The following C11orf65 variants were observed in gnomAD, a reference collection of about 807,000 sequenced individuals.
C11orf65 encodes the protein chromosome 11 open reading frame 65, also known as protein MFI.
C11orf65 carries 38 observed loss-of-function variants against 35.3 expected under a neutral mutation model. The observed-to-expected ratio is 1.08, with a 90% CI of 0.83 to 1.41. The LOEUF (loss-of-function observed/expected upper bound fraction) is 1.41. Ranked by LOEUF, C11orf65 falls within the 40% of genes most tolerant of loss-of-function variation. The probability of loss-of-function intolerance (pLI) is 0.00; values close to 1 mark genes in which losing one functional copy is unlikely to be tolerated. For synonymous variants in C11orf65, 105 were observed against 114.4 expected (o/e 0.92, Z 0.53); for missense variants, 370 against 367.1 (o/e 1.01, Z -0.06).
At position 108,319,990 on chromosome 11, in the gene C11orf65, G is replaced by C. The variant is rs1060501629; in HGVS notation, c.641-10919C>G. The C allele has an allele frequency of 1.2e-6, 2 of 1,612,800 alleles. No individual in the cohort carries two copies. The highest frequency in any genetic ancestry group is 8.5e-7 in the Non-Finnish European group (1 of 1,178,992). On this transcript the variant is annotated intron_variant, in intron 6 of 6. Coordinates refer to the C11orf65 transcript ENST00000525729. Reference sequence around the variant, plus strand: ...AAGGAACCAGTTACCATGAATCATTGTACAATGCTCTACAATCTCTAAGAG... The same window carrying C: ...AAGGAACCAGTTACCATGAATCATTCTACAATGCTCTACAATCTCTAAGAG...
intron 6 of C11orf65, among the ~76,000 whole-genome samples, chr11:108,319,657 ACTTGTGAATTCCC>A (rs2085045898): frequency 6.6e-6 from 1 of 152,198 alleles, no homozygotes; most frequent in Non-Finnish European, 1.5e-5. Context: ...TGACTTGTCC[ACTTGTGAATTCCC>A]CTTGTGCCTA....
At chr11:108,448,148 T>A (rs973279494) in intron 2 of C11orf65, among the ~76,000 whole-genome samples, 1 of 152,122 alleles carries the variant, frequency 6.6e-6, no homozygotes, top group African/African-American at 2.4e-5. Flanking sequence ...ATCAATAGCT[T>A]ACCAACCAAA....
chr11:108,348,301 A>G (rs944405631), intron 2 of C11orf65, among the ~76,000 whole-genome samples: 22 of 151,800 alleles, frequency 1.4e-4, no homozygotes, highest in Non-Finnish European at 1.3e-4. Flanking sequence ...AAATAATAAG[A>G]AAGTGATGAA....
intron 6 of C11orf65, among the ~76,000 whole-genome samples, chr11:108,397,933 G>A (rs948564720): frequency 6.6e-6 from 1 of 152,132 alleles, no homozygotes; most frequent in Non-Finnish European, 1.5e-5. Flanking sequence ...GCAAAAATGT[G>A]ACCACTGAGT....
rs1393749383 is a variant in C11orf65 at position 108,461,551 on chromosome 11, C to T, written c.9G>A (p.Trp3Ter). The change falls in exon 2 of 9, where the codon TGG (tryptophan) becomes TGA (stop). Residue 3 changes from tryptophan (W) to a stop codon, truncating the protein, a stop_gained. Coordinates refer to ENST00000393084, the MANE Select transcript of C11orf65 (RefSeq NM_152587.5). LOFTEE classifies it high-confidence loss of function. MP[W>*]KEESEFTKQD... ...GCTTTGTAAATTCTGATTCCTCTTT[C>T]CAAGGCATTTGAAATTCCTAAAAGA... is the stretch of plus-strand genomic sequence containing the variant. 1 of 1,602,740 alleles carries T rather than the reference C, an allele frequency of 6.2e-7. No homozygotes were observed. Among genetic ancestry groups the T allele is most frequent in the Non-Finnish European group, 8.5e-7 (1 of 1,173,976 alleles).
chr11:108,384,191 ACTAT>A (rs1198954686), intron 8 of C11orf65, among the ~76,000 whole-genome samples: 1 of 152,098 alleles, frequency 6.6e-6, no homozygotes, highest in African/African-American at 2.4e-5. Context: ...GTAAAAGATG[ACTAT>A]CTATTGAGCA....
At chr11:108,325,268 T>A in intron 6 of C11orf65, 5 of 839,312 alleles carry the variant, frequency 6.0e-6, no homozygotes, top group Non-Finnish European at 5.4e-6. Flanking sequence ...TTTTTTTTTT[T>A]CATTTCTCTT....
intron 3 of C11orf65, among the ~76,000 whole-genome samples, chr11:108,430,509 T>C (rs748143449): frequency 1.3e-5 from 2 of 151,632 alleles, no homozygotes; most frequent in South Asian, 4.2e-4. Context: ...AAAAAGTAAA[T>C]TGAGAAAAAA....
chr11:108,318,555 T>C (rs1355736623), intron 6 of C11orf65, among the ~76,000 whole-genome samples: 2 of 150,976 alleles, frequency 1.3e-5, no homozygotes, highest in Non-Finnish European at 2.9e-5. Context: ...CTGGGTGTGC[T>C]GGAGCATGCC....
chr11:108,382,958 C>T lies in C11orf65; in HGVS notation c.*63G>A. ...TTATTCCAGTCAGAATACACTATCT[C>T]TTGGCTATAACTGATGGATGGAAGG... is the stretch of plus-strand genomic sequence containing the variant. On this transcript the variant is annotated 3_prime_UTR_variant, in exon 9 of 9. Transcript: ENST00000393084. 6.3e-7 allele frequency: 1 copy of T among 1,593,510 alleles called. No homozygotes were observed. Among genetic ancestry groups the T allele is most frequent in the Non-Finnish European group, 8.5e-7 (1 of 1,174,364 alleles).
chr11:108,311,713 AAAATT>A (rs1761742163), intron 6 of C11orf65, among the ~76,000 whole-genome samples: 1 of 152,152 alleles, frequency 6.6e-6, no homozygotes, highest in Non-Finnish European at 1.5e-5. Context: ...CAAAAAAAAA[AAAATT>A]AAGAAACTGG....
At chr11:108,391,779 A>T (rs560882214) in intron 7 of C11orf65, among the ~76,000 whole-genome samples, 23 of 150,598 alleles carry the variant, frequency 1.5e-4, no homozygotes, top group South Asian at 1.3e-3. Context: ...CCCCCAGGAA[A>T]CCACTAATCT....
At chr11:108,454,979 T>C (rs1309992081) in intron 2 of C11orf65, among the ~76,000 whole-genome samples, 1 of 152,224 alleles carries the variant, frequency 6.6e-6, no homozygotes, top group East Asian at 1.9e-4. Context: ...GTTTGAGATC[T>C]TTCTTGTTTT....
intron 2 of C11orf65, chr11:108,354,754 T>TA (rs1464285099): frequency 2.9e-6 from 4 of 1,399,422 alleles, no homozygotes; most frequent in Non-Finnish European, 4.1e-6. Flanking sequence ...CAGATAAAGA[T>TA]ACGTTGACAA....
chr11:108,461,660 C>T (rs2093475255), intron 1 of C11orf65, 92 bp from the exon 2 acceptor site: 1 of 839,802 alleles, frequency 1.2e-6, no homozygotes, highest in Non-Finnish European at 1.8e-6. Flanking sequence ...CACATTCTTG[C>T]TCTGTCACCC....
At chr11:108,366,775 T>C (rs1397292114) in intron 2 of C11orf65, 2 of 227,926 alleles carry the variant, frequency 8.8e-6, no homozygotes, top group East Asian at 6.2e-5. Flanking sequence ...GATTGATGCC[T>C]TTTTCACTGA....
At chr11:108,406,416 C>G (rs1427959492) in intron 5 of C11orf65, among the ~76,000 whole-genome samples, 1 of 152,104 alleles carries the variant, frequency 6.6e-6, no homozygotes, top group African/African-American at 2.4e-5. Context: ...GCTGGGATTA[C>G]AGGCATGAGC....
chr11:108,427,119 C>G (rs1444334621), intron 3 of C11orf65, among the ~76,000 whole-genome samples: 1 of 151,920 alleles, frequency 6.6e-6, no homozygotes. Flanking sequence ...CATTCAGGAC[C>G]TAGGCATGGG....
In C11orf65 at chr11:108,406,971, A is replaced by G. The variant is rs771129317; in HGVS notation, c.229-8T>C. 1.9e-6 allele frequency: 3 copies of G among 1,598,288 alleles called. No homozygotes were observed. The South Asian group carries it at 3.3e-5, about 18-fold the overall frequency. ...ATCAGGTGGAAATTTAACCTGTAGA[A>G]GGAAAAGTTCAAAGAGCCATTGTAA... On this transcript the variant is annotated splice_polypyrimidine_tract_variant and splice_region_variant and intron_variant, in intron 4 of 8. Transcript: ENST00000393084.
Sources: gnomAD v4.1 joint callset for allele counts (sites outside exome capture counted in the v4.1 genomes callset) on GRCh38, gnomAD v4.1.1 for gene constraint, MANE v1.5 for transcripts, NCBI Gene and HGNC (gene_info 2026-07-23, HGNC 2026-07-21) for gene names.